UROS: variants seen among roughly 807,000 people sequenced by gnomAD.
UROS encodes uroporphyrinogen III synthase.
Under a neutral mutation model 33.0 loss-of-function variants are expected in UROS, and 18 were observed. That is an observed-to-expected ratio of 0.55 (90% CI 0.38 to 0.81). UROS has a LOEUF of 0.81. UROS is among the 30% of genes least tolerant of loss of function. UROS has a pLI of 0.00. For missense variants in UROS, 293 were observed against 314.9 expected (o/e 0.93, Z 0.53); for synonymous variants, 114 against 121.1 (o/e 0.94, Z 0.38).
chr10:125,813,122 T>C (rs865933193), intron 4 of UROS, among the ~76,000 whole-genome samples: 7 of 152,190 alleles, frequency 4.6e-5, no homozygotes, highest in Non-Finnish European at 1.0e-4. Flanking sequence ...AAGTTATCCA[T>C]AGCATGTAAA....
intron 6 of UROS, among the ~76,000 whole-genome samples, chr10:125,804,334 G>A (rs73379287): frequency 0.011 from 1,674 of 152,278 alleles, 30 homozygotes; most frequent in African/African-American, 0.037. Flanking sequence ...CCAGGAGGGT[G>A]GCGCACCCCA....
downstream of UROS, among the ~76,000 whole-genome samples, chr10:125,788,359 G>A (rs936325649): frequency 1.3e-5 from 2 of 152,196 alleles, no homozygotes; most frequent in African/African-American, 4.8e-5. Flanking sequence ...TGCTGCAGCT[G>A]CATCTTTGAG....
At chr10:125,815,176 T>G in intron 3 of UROS, 46 bp from the exon 4 acceptor site, 1 of 1,598,608 alleles carries the variant, frequency 6.3e-7, no homozygotes, top group Non-Finnish European at 8.6e-7. Flanking sequence ...ATGGCTATGT[T>G]CAACATCTTC....
At chr10:125,797,149 G>A (rs756470836) in intron 7 of UROS, among the ~76,000 whole-genome samples, 35 of 152,230 alleles carry the variant, frequency 2.3e-4, no homozygotes, top group South Asian at 8.3e-4. Flanking sequence ...GAAGGGATAC[G>A]ATCTAGCTCC....
chr10:125,810,834 T>C (rs1459886118), intron 5 of UROS, among the ~76,000 whole-genome samples: 1 of 152,248 alleles, frequency 6.6e-6, no homozygotes, highest in Non-Finnish European at 1.5e-5. Context: ...GGTGATTGAC[T>C]TTCATGTCAA....
intron 6 of UROS, chr10:125,802,156 A>G (rs1335104950): frequency 1.0e-6 from 1 of 985,368 alleles, no homozygotes; most frequent in African/African-American, 1.7e-5. Flanking sequence ...CATTAGAAAC[A>G]AAAAGCCTGG....
rs1436912479 is a variant in UROS at position 125,822,092 on chromosome 10, C to T, written c.-27+937G>A. 2.0e-5 allele frequency among the ~76,000 whole-genome samples: 3 copies of T among 152,154 alleles called. No homozygotes were observed. In the East Asian group the frequency reaches 5.8e-4, roughly 29 times the overall value. On this transcript the variant is annotated intron_variant, in intron 1 of 9. Transcript: ENST00000368797. Reference sequence around the variant, plus strand: ...TTCCTAGAATCAAACATATCCAACCCACCCCCCTCATTTTACAGAGAAAAA... The same window carrying T: ...TTCCTAGAATCAAACATATCCAACCTACCCCCCTCATTTTACAGAGAAAAA...
chr10:125,796,858 G>A, intron 7 of UROS: 1 of 985,402 alleles, frequency 1.0e-6, no homozygotes, highest in Non-Finnish European at 1.2e-6. Context: ...GAAAACTCAG[G>A]CTTCTGAAAA....
At chr10:125,796,293 C>T (rs1589936905) in intron 7 of UROS, 105 bp from the exon 8 acceptor site, 2 of 1,139,058 alleles carry the variant, frequency 1.8e-6, no homozygotes, top group South Asian at 1.2e-5. Flanking sequence ...CAGCACCACC[C>T]TCCTGGAACG....
In UROS at chr10:125,798,114, G is replaced by A. The variant is rs1159558438; in HGVS notation, c.426C>T (p.Pro142=). 3 of 1,613,900 alleles carry A rather than the reference G, an allele frequency of 1.9e-6. No homozygotes were observed. Among genetic ancestry groups the A allele is most frequent in the Non-Finnish European group, 2.5e-6 (3 of 1,179,918 alleles). Residue 142 remains proline, a synonymous_variant, in exon 7 of 10, where the codon CCC becomes CCT. Transcript: ENST00000368797. ...RESSALPLLF[P]CGNLKREILP... The stretch of plus-strand genomic sequence containing the variant: ...GGATTTCTCTTTTGAGGTTTCCACA[G>A]GGAAATAGAAGAGGCAGTGCTGAGG...
chr10:125,796,498 CA>C (rs1851376691), intron 7 of UROS, among the ~76,000 whole-genome samples: 1 of 152,226 alleles, frequency 6.6e-6, no homozygotes, highest in South Asian at 2.1e-4. Context: ...TTTGTCCACA[CA>C]AGGCCGTCCC....
intron 5 of UROS, among the ~76,000 whole-genome samples, chr10:125,809,117 A>T (rs1852584115): frequency 6.6e-6 from 1 of 152,218 alleles, no homozygotes; most frequent in South Asian, 2.1e-4. Flanking sequence ...AATTTTTGTT[A>T]TTTCTGGTAG....
intron 1 of UROS, among the ~76,000 whole-genome samples, chr10:125,817,493 C>T (rs781183654): frequency 4.6e-5 from 7 of 151,978 alleles, no homozygotes; most frequent in Middle Eastern, 3.4e-3. Flanking sequence ...TAAGGGCCAA[C>T]GGACCTGAGC....
intron 1 of UROS, 141 bp from the exon 2 acceptor site, chr10:125,816,666 T>C (rs1288954858): frequency 2.6e-6 from 2 of 777,690 alleles, no homozygotes; most frequent in African/African-American, 3.4e-5. Context: ...GACTTAGCAC[T>C]AATGGGCTTG....
intron 4 of UROS, 132 bp downstream of exon 4, chr10:125,814,902 A>G (rs909399827): frequency 9.8e-7 from 1 of 1,021,096 alleles, no homozygotes; most frequent in Non-Finnish European, 1.5e-6. Context: ...TTCCCAAGGC[A>G]GAGTCTGTGA....
downstream of UROS, among the ~76,000 whole-genome samples, chr10:125,786,606 AGATT>A (rs1464770711): frequency 1.3e-5 from 2 of 152,164 alleles, no homozygotes; most frequent in African/African-American, 4.8e-5. Context: ...CCAGACCCTC[AGATT>A]CCTGGGAGAT....
At chr10:125,810,527 C>T (rs1013551991) in intron 5 of UROS, among the ~76,000 whole-genome samples, 6 of 152,234 alleles carry the variant, frequency 3.9e-5, no homozygotes, top group African/African-American at 1.4e-4. Context: ...CCCACTAAAT[C>T]ATGCCCAGAT....
At chr10:125,790,860 G>A (rs1205943267) in intron 9 of UROS, among the ~76,000 whole-genome samples, 7 of 151,518 alleles carry the variant, frequency 4.6e-5, no homozygotes, top group African/African-American at 1.7e-4. Flanking sequence ...GCAGGCCGAG[G>A]TGGGCAGATC....
At chr10:125,802,754 A>T in intron 6 of UROS, 2 of 1,417,694 alleles carry the variant, frequency 1.4e-6, no homozygotes, top group Non-Finnish European at 1.8e-6. Flanking sequence ...CCAGGTAGGG[A>T]GGGTAGGTCT....
Sources: gnomAD v4.1 joint callset for allele counts (sites outside exome capture counted in the v4.1 genomes callset) on GRCh38, gnomAD v4.1.1 for gene constraint, MANE v1.5 for transcripts, NCBI Gene and HGNC (gene_info 2026-07-23, HGNC 2026-07-21) for gene names.